The following RPL22 variants were observed in gnomAD, a reference collection of about 807,000 sequenced individuals.
RPL22 encodes the protein large ribosomal subunit protein eL22.
A neutral mutation model predicts 16.2 loss-of-function variants in RPL22; 4 were observed. The ratio of observed to expected loss-of-function variants is 0.25; its 90% confidence interval spans 0.12 to 0.57. RPL22 has a LOEUF of 0.57. RPL22 is among the 20% of genes least tolerant of loss of function. The pLI, the probability that RPL22 is intolerant of heterozygous loss-of-function variation, is 0.92. For synonymous variants in RPL22, 43 were observed against 54.8 expected, an observed-to-expected ratio of 0.78 and a Z score of 0.95; for missense variants, 83 against 156.1, an observed-to-expected ratio of 0.53 and a Z score of 2.49.
chr1:6,192,685 T>A (rs1208575598), intron 3 of RPL22, among the ~76,000 whole-genome samples: 8 of 151,834 alleles, frequency 5.3e-5, no homozygotes, highest in Non-Finnish European at 1.0e-4. Context: ...GGCGATGGAG[T>A]GAGACTCCAG....
intron 2 of RPL22, among the ~76,000 whole-genome samples, chr1:6,193,737 C>G (rs1667682384): frequency 1.3e-5 from 2 of 152,174 alleles, no homozygotes; most frequent in Admixed American, 1.3e-4. Flanking sequence ...AGGTGTGAGC[C>G]AGCATACCTG....
intron 1 of RPL22, 43 bp downstream of exon 1, chr1:6,199,519 G>A: frequency 1.3e-6 from 2 of 1,550,876 alleles, no homozygotes; most frequent in South Asian, 1.2e-5. Context: ...CGAGGCCCAC[G>A]TGCCTCCCCT....
chr1:6,189,845 T>C (rs373796322), intron 3 of RPL22, among the ~76,000 whole-genome samples: 2 of 152,222 alleles, frequency 1.3e-5, no homozygotes, highest in East Asian at 1.9e-4. Flanking sequence ...TGCTTGAACC[T>C]GGGAGGCGGA....
At chr1:6,190,832 A>C (rs1667640156) in intron 3 of RPL22, among the ~76,000 whole-genome samples, 1 of 152,234 alleles carries the variant, frequency 6.6e-6, no homozygotes, top group African/African-American at 2.4e-5. Context: ...ATGGGCCCCC[A>C]GGAATTAACT....
chr1:6,192,050 A>T (rs1269112944), intron 3 of RPL22, among the ~76,000 whole-genome samples: 3 of 146,300 alleles, frequency 2.1e-5, no homozygotes, highest in Admixed American at 6.8e-5. Context: ...ACAGGAGGCA[A>T]TTTTTTTTTT....
intron 3 of RPL22, among the ~76,000 whole-genome samples, chr1:6,192,317 G>T (rs114353372): frequency 0.026 from 3,998 of 152,286 alleles, 178 homozygotes; most frequent in African/African-American, 0.092. Context: ...AAAGTGCTGG[G>T]ATTACAAGCA....
chr1:6,189,249 G>A (rs563156542), intron 3 of RPL22, among the ~76,000 whole-genome samples: 1 of 128,566 alleles, frequency 7.8e-6, no homozygotes, highest in African/African-American at 3.7e-5. Flanking sequence ...CAAAGCAATC[G>A]CCACAAAGTG....
chr1:6,187,621 A>AC (rs1039210622), intron 3 of RPL22, among the ~76,000 whole-genome samples: 2 of 151,018 alleles, frequency 1.3e-5, no homozygotes, highest in African/African-American at 2.5e-5. Flanking sequence ...CTCAAAAAAA[A>AC]AAAAACAAAA....
At chr1:6,199,012 C>T (rs1311931051) in intron 1 of RPL22, 5 of 152,704 alleles carry the variant, frequency 3.3e-5, no homozygotes, top group African/African-American at 1.2e-4. Flanking sequence ...CAATGAGAGC[C>T]TTCTCCCTAC....
chr1:6,191,045 G>A (rs1243789542), intron 3 of RPL22, among the ~76,000 whole-genome samples: 2 of 152,094 alleles, frequency 1.3e-5, no homozygotes, highest in South Asian at 2.1e-4. Context: ...CCAACACGGC[G>A]AAACCCCGTA....
chr1:6,188,206 A>C (rs1036985302), intron 3 of RPL22, among the ~76,000 whole-genome samples: 4 of 152,060 alleles, frequency 2.6e-5, no homozygotes, highest in African/African-American at 9.7e-5. Context: ...TAATTTTTGT[A>C]ATTTCAGTAG....
chr1:6,189,853 G>A (rs567021687), intron 3 of RPL22, among the ~76,000 whole-genome samples: 59 of 152,126 alleles, frequency 3.9e-4, no homozygotes, highest in Non-Finnish European at 7.5e-4. Flanking sequence ...CCTGGGAGGC[G>A]GAGGTTTCAG....
chr1:6,198,977 G>A (rs1667756821), intron 1 of RPL22: 1 of 152,332 alleles, frequency 6.6e-6, no homozygotes. Flanking sequence ...GCACAGCCCA[G>A]TCCCAGCATA....
intron 3 of RPL22, among the ~76,000 whole-genome samples, chr1:6,191,393 C>A (rs1274372880): frequency 1.5e-5 from 2 of 136,074 alleles, no homozygotes; most frequent in Non-Finnish European, 3.1e-5. Context: ...AGAGGCCGGG[C>A]GCAGTGGCTC....
rs1411337731 is a variant in RPL22 at position 6,185,123 on chromosome 1, A to G, written c.*1549T>C. 2.6e-6 allele frequency: 1 copy of G among 390,930 alleles called. No individual in the cohort carries two copies. Among genetic ancestry groups the G allele is most frequent in the African/African-American group, 2.1e-5 (1 of 48,544 alleles). 24.2% of individuals were successfully genotyped at this position (390,930 alleles called of 1,614,324 possible). A position where few individuals can be genotyped will look rare whatever the true frequency, so the allele number is the denominator to read the frequency against. On this transcript the variant is annotated 3_prime_UTR_variant, in exon 4 of 4. Coordinates refer to ENST00000234875, the MANE Select transcript of RPL22 (RefSeq NM_000983.4). ...TAGAAAACCAGTGAGTTTCAATTTTATTACAAGTTTTCAAATCTGGGACTA... is the reference window on the plus strand; with the variant it reads ...TAGAAAACCAGTGAGTTTCAATTTTGTTACAAGTTTTCAAATCTGGGACTA...
At chr1:6,197,836 T>C (rs945965462) in intron 1 of RPL22, 80 bp from the exon 2 acceptor site, 40 of 1,038,280 alleles carry the variant, frequency 3.9e-5, no homozygotes, top group South Asian at 2.7e-4. Flanking sequence ...AGAAACGTCA[T>C]AGGTATAAAA....
chr1:6,193,758 C>G (rs895036266), intron 2 of RPL22, among the ~76,000 whole-genome samples: 1 of 151,974 alleles, frequency 6.6e-6, no homozygotes, highest in African/African-American at 2.4e-5. Context: ...GCCCTAATAT[C>G]GGTTTCTTAA....
rs372152282 is a variant in RPL22, at chr1:6,193,019, T to G, written c.153A>C (p.Gly51=). ...QFLQERIKVN[G]KAGNLGGGVV... ...CCCCTCCACCAAGGTTCCCAGCTTT[T>G]CCGTTCACTTTGATCCTTTCTTGCA... is the stretch of plus-strand genomic sequence containing the variant. The change falls in exon 3 of 4, where the codon GGA becomes GGC. Residue 51 remains glycine, a synonymous_variant. Transcript: ENST00000234875. 1.9e-6 allele frequency: 3 copies of G among 1,614,200 alleles called. No homozygotes were observed. Among genetic ancestry groups the G allele is most frequent in the Non-Finnish European group, 2.5e-6 (3 of 1,180,026 alleles).
At chr1:6,192,048 C>CA (rs1667659186) in intron 3 of RPL22, among the ~76,000 whole-genome samples, 1 of 149,992 alleles carries the variant, frequency 6.7e-6, no homozygotes, top group Admixed American at 6.7e-5. Context: ...AGACAGGAGG[C>CA]AATTTTTTTT....
Sources: allele counts gnomAD v4.1 joint callset (sites outside exome capture counted in the v4.1 genomes callset), GRCh38; gene constraint gnomAD v4.1.1; transcripts MANE v1.5; gene names NCBI Gene and HGNC (gene_info 2026-07-23, HGNC 2026-07-21).